Variants in XYLT1 observed in about 807,000 individuals in gnomAD.
The protein encoded by XYLT1 is xylosyltransferase 1.
In XYLT1, 36 loss-of-function variants were observed where a neutral mutation model predicts 91.3. The ratio of observed to expected loss-of-function variants is 0.39; its 90% confidence interval spans 0.30 to 0.52. XYLT1 has a LOEUF of 0.52. XYLT1 is among the 20% of genes least tolerant of loss of function. The pLI, the probability that XYLT1 is intolerant of heterozygous loss-of-function variation, is 0.68. For missense variants in XYLT1, 1,242 were observed against 1,284.5 expected (o/e 0.97, Z 0.51); for synonymous variants, 588 against 532.0 (o/e 1.11, Z -1.45).
At chr16:17,318,051 C>T (rs370066162) in intron 2 of XYLT1, among the ~76,000 whole-genome samples, 1 of 152,214 alleles carries the variant, frequency 6.6e-6, no homozygotes, top group East Asian at 1.9e-4. Flanking sequence ...TTGTTTGAAG[C>T]GTTCTTATGT....
chr16:17,330,574 G>C (rs75442525), intron 2 of XYLT1, among the ~76,000 whole-genome samples: 119 of 151,946 alleles, frequency 7.8e-4, no homozygotes, highest in African/African-American at 2.5e-3. Flanking sequence ...ATCTCCTAAG[G>C]TCAGGAGTTC....
chr16:17,419,314 C>G (rs2036220558), intron 1 of XYLT1, among the ~76,000 whole-genome samples: 1 of 151,996 alleles, frequency 6.6e-6, no homozygotes, highest in Non-Finnish European at 1.5e-5. Context: ...TGCGCTCCAG[C>G]CTGGGCGACA....
At chr16:17,198,648 C>T (rs975748227) in intron 4 of XYLT1, among the ~76,000 whole-genome samples, 1 of 152,188 alleles carries the variant, frequency 6.6e-6, no homozygotes, top group Non-Finnish European at 1.5e-5. Flanking sequence ...ACTGGCCGCA[C>T]TTCTGAGCTA....
intron 10 of XYLT1, 21 bp from the exon 11 acceptor site, chr16:17,118,000 C>G (rs1241392563): frequency 6.3e-7 from 1 of 1,594,878 alleles, no homozygotes; most frequent in Admixed American, 1.7e-5. Context: ...GGAGTGAATT[C>G]TGAAGTCACT....
At chr16:17,465,066 C>T (rs2036872666) in intron 1 of XYLT1, among the ~76,000 whole-genome samples, 1 of 146,298 alleles carries the variant, frequency 6.8e-6, no homozygotes, top group Non-Finnish European at 1.5e-5. Flanking sequence ...ATTGCTTGAA[C>T]CTAGGAGGCG....
intron 3 of XYLT1, among the ~76,000 whole-genome samples, chr16:17,240,658 C>G (rs1275453689): frequency 6.6e-6 from 1 of 152,178 alleles, no homozygotes; most frequent in Non-Finnish European, 1.5e-5. Context: ...AAGCCTGAAC[C>G]AGCCTCAGTG....
At chr16:17,443,631 G>C (rs2141943647) in intron 1 of XYLT1, among the ~76,000 whole-genome samples, 1 of 152,286 alleles carries the variant, frequency 6.6e-6, no homozygotes, top group East Asian at 1.9e-4. Context: ...TACCTTTATA[G>C]AAGTGTGAGA....
chr16:17,113,164 T>C (rs756341457), intron 11 of XYLT1, among the ~76,000 whole-genome samples: 9 of 143,526 alleles, frequency 6.3e-5, no homozygotes, highest in Admixed American at 7.0e-5. Context: ...TTGGAGATGA[T>C]AGAGTCTCGC....
intron 2 of XYLT1, among the ~76,000 whole-genome samples, chr16:17,309,852 C>T (rs1410026215): frequency 1.3e-5 from 2 of 152,058 alleles, no homozygotes; most frequent in Non-Finnish European, 2.9e-5. Flanking sequence ...ATGCTTCTTG[C>T]TTGTGAACTT....
intron 2 of XYLT1, among the ~76,000 whole-genome samples, chr16:17,274,782 C>G (rs1024198941): frequency 6.6e-6 from 1 of 152,120 alleles, no homozygotes; most frequent in Admixed American, 6.5e-5. Context: ...GGTGAGAGGA[C>G]CAGCCCAACT....
rs533145260 is a variant in XYLT1, at chr16:17,382,991, T to G, written c.364-24941A>C. 2.9e-4 allele frequency among the ~76,000 whole-genome samples: 44 copies of G among 151,736 alleles called. No individual in the cohort carries two copies. In the Middle Eastern group the frequency reaches 0.01, roughly 35 times the overall value. ...GGACAAATTTCAAACAACTACCCAG[T>G]CCCATCTCCCAAGACAGAGTCACAC... On this transcript the variant is annotated intron_variant, in intron 1 of 11. Transcript: ENST00000261381.
chr16:17,140,776 T>C (rs1034022300), intron 7 of XYLT1, among the ~76,000 whole-genome samples: 3 of 151,778 alleles, frequency 2.0e-5, no homozygotes, highest in Non-Finnish European at 2.9e-5. Flanking sequence ...GCCATCAGCA[T>C]TGTGGATGTC....
rs562106832 is a variant in XYLT1, at chr16:17,277,610, G to A, written c.403-18112C>T. On this transcript the variant is annotated intron_variant, in intron 2 of 11. Transcript: ENST00000261381. ...TCACCATGTAGGCCAGGCTGTTCTC[G>A]AACTCCTGACCTCCTGTGATCCACC... Among the ~76,000 whole-genome samples, 17 of 152,090 alleles carry A rather than the reference G, an allele frequency of 1.1e-4. No homozygotes were observed. The East Asian group carries it at 3.1e-3, about 28-fold the overall frequency.
chr16:17,327,268 TCA>T (rs1186237476), intron 2 of XYLT1, among the ~76,000 whole-genome samples: 2 of 152,126 alleles, frequency 1.3e-5, no homozygotes, highest in African/African-American at 2.4e-5. Context: ...TAAGAATTAT[TCA>T]CAAAGTAGAT....
At chr16:17,356,485 C>A (rs898337598) in intron 2 of XYLT1, among the ~76,000 whole-genome samples, 143 of 152,212 alleles carry the variant, frequency 9.4e-4, no homozygotes, top group African/African-American at 3.3e-3. Context: ...GACAGAAAAG[C>A]ACAAGGAAAC....
intron 9 of XYLT1, among the ~76,000 whole-genome samples, chr16:17,130,038 C>G (rs2030412068): frequency 6.6e-6 from 1 of 152,238 alleles, no homozygotes. Flanking sequence ...CTTTCTTGCT[C>G]TTTTGAGGTC....
intron 2 of XYLT1, among the ~76,000 whole-genome samples, chr16:17,307,654 G>A (rs2034487762): frequency 6.6e-6 from 1 of 152,208 alleles, no homozygotes; most frequent in Non-Finnish European, 1.5e-5. Flanking sequence ...TCTCTGCACA[G>A]TGAGCTGGAA....
At chr16:17,199,543 G>T (rs2032493473) in intron 4 of XYLT1, among the ~76,000 whole-genome samples, 1 of 152,144 alleles carries the variant, frequency 6.6e-6, no homozygotes, top group South Asian at 2.1e-4. Flanking sequence ...ATCTTGAATT[G>T]TAGCTCCCAT....
At chr16:17,397,720 C>T (rs979900100) in intron 1 of XYLT1, among the ~76,000 whole-genome samples, 3 of 152,108 alleles carry the variant, frequency 2.0e-5, no homozygotes, top group African/African-American at 7.2e-5. Context: ...AAAGCTGGAC[C>T]GGAACCTGAG....
Sources: gnomAD v4.1 joint callset for allele counts (sites outside exome capture counted in the v4.1 genomes callset) on GRCh38, gnomAD v4.1.1 for gene constraint, MANE v1.5 for transcripts, NCBI Gene and HGNC (gene_info 2026-07-23, HGNC 2026-07-21) for gene names.